FAM107B: variants seen among roughly 807,000 people sequenced by gnomAD.
FAM107B encodes the protein protein FAM107B.
A neutral mutation model predicts 31.5 loss-of-function variants in FAM107B; 21 were observed. The ratio of observed to expected loss-of-function variants is 0.67; its 90% CI spans 0.47 to 0.96. The LOEUF is 0.96. Among genes scored for constraint, FAM107B ranks in the 40% least tolerant of loss-of-function variants. FAM107B has a pLI of 0.00. For missense variants in FAM107B, 452 were observed against 377.1 expected (o/e 1.20, Z -1.64); for synonymous variants, 157 against 141.5 (o/e 1.11, Z -0.78).
Position 14,611,184 on chromosome 10 carries a change from G to C in FAM107B, c.469+56450C>G, listed in dbSNP as rs188155216. On this transcript the variant is annotated intron_variant, in intron 2 of 4. Transcript: ENST00000181796. Reference sequence around the variant, plus strand: ...AAAACTAAAATCTCTAAATAGCAAAGAGAGGGGAACAAAATCCTTAAGCGC... The same window carrying C: ...AAAACTAAAATCTCTAAATAGCAAACAGAGGGGAACAAAATCCTTAAGCGC... Among the ~76,000 whole-genome samples the C allele has an allele frequency of 3.3e-4, 50 of 152,246 alleles. No homozygotes were observed. The East Asian group carries it at 9.5e-3, about 29-fold the overall frequency.
At chr10:14,599,457 A>G (rs1852295087) in intron 2 of FAM107B, among the ~76,000 whole-genome samples, 1 of 152,046 alleles carries the variant, frequency 6.6e-6, no homozygotes, top group South Asian at 2.1e-4. Context: ...CGCCCCCAAC[A>G]CCACTACAGA....
chr10:14,627,744 G>A (rs755377747), intron 2 of FAM107B, among the ~76,000 whole-genome samples: 1 of 152,054 alleles, frequency 6.6e-6, no homozygotes, highest in East Asian at 1.9e-4. Context: ...CTGCATCCTC[G>A]CCTGGGGGAC....
intron 2 of FAM107B, among the ~76,000 whole-genome samples, chr10:14,534,406 A>G (rs1343938671): frequency 6.6e-6 from 1 of 152,132 alleles, no homozygotes; most frequent in Non-Finnish European, 1.5e-5. Context: ...GGCAATAACC[A>G]TCACTATGAC....
At chr10:14,723,693 A>T in intron 1 of FAM107B, 1 of 754,522 alleles carries the variant, frequency 1.3e-6, no homozygotes. Flanking sequence ...TAACCACAAG[A>T]AGTCATGGCT....
chr10:14,570,233 G>GGGGTGTGTGTGTGTGT (rs1554835078), intron 2 of FAM107B, among the ~76,000 whole-genome samples: 4 of 140,426 alleles, frequency 2.8e-5, no homozygotes, highest in African/African-American at 8.0e-5. Flanking sequence ...AAATGTGGTG[G>GGGGTGTGTGTGTGTGT]GTGTGTGTGT....
intron 2 of FAM107B, among the ~76,000 whole-genome samples, chr10:14,632,608 C>CT (rs1400329512): frequency 2.6e-5 from 3 of 114,732 alleles, no homozygotes; most frequent in Non-Finnish European, 5.4e-5. Context: ...AAGACTCTGT[C>CT]TCAAAAAAAA....
rs558263593 is a variant in FAM107B, at chr10:14,580,355, G to A, written c.470-49840C>T. ...AGCCTGCACGACAGAGCAAGACTCC[G>A]TGCCAAAAAAAAAAGTAAGTAAGTC... On this transcript the variant is annotated intron_variant, in intron 2 of 4. Coordinates refer to ENST00000181796, the MANE Select transcript of FAM107B (RefSeq NM_031453.4). 2.2e-4 allele frequency among the ~76,000 whole-genome samples: 12 copies of A among 54,530 alleles called. No homozygotes were observed. The South Asian group carries it at 4.4e-3, about 20-fold the overall frequency. 35.8% of individuals were successfully genotyped at this position (54,530 alleles called of 152,430 possible).
At chr10:14,655,774 G>A (rs1588686512) in intron 2 of FAM107B, among the ~76,000 whole-genome samples, 2 of 152,216 alleles carry the variant, frequency 1.3e-5, no homozygotes, top group African/African-American at 4.8e-5. Context: ...TGTAGGGACT[G>A]AGGCTTAACC....
intron 3 of FAM107B, among the ~76,000 whole-genome samples, chr10:14,523,281 A>C (rs559843799): frequency 6.6e-6 from 1 of 152,326 alleles, no homozygotes; most frequent in Non-Finnish European, 1.5e-5. Flanking sequence ...ACTCATAAGT[A>C]ATCTCAACTT....
chr10:14,702,010 A>C (rs1263966873), intron 1 of FAM107B, among the ~76,000 whole-genome samples: 1 of 152,266 alleles, frequency 6.6e-6, no homozygotes, highest in Non-Finnish European at 1.5e-5. Context: ...TGCCCACCCA[A>C]AAAACATATT....
Position 14,774,301 on chromosome 10 carries a change from C to G in FAM107B, c.363G>C (p.Val121=). Residue 121 remains valine, a synonymous_variant, in exon 1 of 5, where the codon GTG becomes GTC. Coordinates refer to ENST00000181796, the MANE Select transcript of FAM107B (RefSeq NM_031453.4). ...GTCTGGGGATGGAAGCGTGAAACAC[C>G]ACTGCTTCACAGTCCGCCCCATCAT... ...SLDDGADCEA[V]VFHASIPRPS... is the part of the protein sequence containing the mutation. 6.2e-7 allele frequency: 1 copy of G among 1,614,028 alleles called. No individual in the cohort carries two copies.
chr10:14,683,107 G>A (rs1854880791), intron 1 of FAM107B, among the ~76,000 whole-genome samples: 1 of 152,146 alleles, frequency 6.6e-6, no homozygotes, highest in Non-Finnish European at 1.5e-5. Context: ...TTTAAGTGGA[G>A]CAGGAATCCA....
chr10:14,621,926 T>C (rs928933316), intron 2 of FAM107B, among the ~76,000 whole-genome samples: 1 of 152,202 alleles, frequency 6.6e-6, no homozygotes, highest in African/African-American at 2.4e-5. Flanking sequence ...CAATGAACAC[T>C]AACAATAAAA....
At position 14,661,157 on chromosome 10, in the gene FAM107B, G is replaced by C. The variant is rs7100334; in HGVS notation, c.469+6477C>G. Among the ~76,000 whole-genome samples, 1,418 of 152,312 alleles carry C rather than the reference G, an allele frequency of 9.3e-3. 28 individuals are homozygous for C. Among genetic ancestry groups the C allele is most frequent in the African/African-American group, 0.031 (1,274 of 41,570 alleles). On this transcript the variant is annotated intron_variant, in intron 2 of 4. Coordinates refer to ENST00000181796, the MANE Select transcript of FAM107B (RefSeq NM_031453.4). ...AGCCACGCTTCCTGTACAGCCTGCA[G>C]AACTGTGTTCCAATTAAACCTCTTT...
intron 1 of FAM107B, among the ~76,000 whole-genome samples, chr10:14,751,253 C>G (rs987460226): frequency 2.0e-5 from 3 of 152,224 alleles, no homozygotes; most frequent in Non-Finnish European, 4.4e-5. Context: ...TGCAACTCTT[C>G]ATTATTAAAA....
chr10:14,660,666 C>T (rs1319019601), intron 2 of FAM107B, among the ~76,000 whole-genome samples: 1 of 152,206 alleles, frequency 6.6e-6, no homozygotes, highest in African/African-American at 2.4e-5. Context: ...TTATTCAATA[C>T]CAATGCTTTT....
At chr10:14,595,670 G>C (rs920783381) in intron 2 of FAM107B, among the ~76,000 whole-genome samples, 3 of 151,866 alleles carry the variant, frequency 2.0e-5, no homozygotes, top group African/African-American at 7.3e-5. Flanking sequence ...TCTCCCCCTT[G>C]GTCTCCACAT....
chr10:14,600,432 C>T (rs377721000), intron 2 of FAM107B, among the ~76,000 whole-genome samples: 9 of 152,170 alleles, frequency 5.9e-5, no homozygotes, highest in African/African-American at 1.9e-4. Context: ...AACTGATGGG[C>T]GCTAGGCAAA....
Position 14,774,303 on chromosome 10 carries a change from C to T in FAM107B, c.361G>A (p.Val121Met), listed in dbSNP as rs112897926. 6.2e-7 allele frequency: 1 copy of T among 1,614,128 alleles called. No individual in the cohort carries two copies. Among genetic ancestry groups the T allele is most frequent in the Non-Finnish European group, 8.5e-7 (1 of 1,179,962 alleles). The change falls in exon 1 of 5, where the codon GTG (valine) becomes ATG (methionine). Residue 121 changes from valine (V) to methionine (M), a missense_variant. Transcript: ENST00000181796. ...CTGGGGATGGAAGCGTGAAACACCA[C>T]TGCTTCACAGTCCGCCCCATCATCC... Reference protein sequence around the residue: ...SLDDGADCEAVVFHASIPRPS... With the variant: ...SLDDGADCEAMVFHASIPRPS...
Sources: gnomAD v4.1 joint callset for allele counts (sites outside exome capture counted in the v4.1 genomes callset) on GRCh38, gnomAD v4.1.1 for gene constraint, MANE v1.5 for transcripts, NCBI Gene and HGNC (gene_info 2026-07-23, HGNC 2026-07-21) for gene names.